The following ANK2 variants were observed in gnomAD, a reference collection of about 807,000 sequenced individuals.
The protein encoded by ANK2 is ankyrin 2.
In ANK2, 83 loss-of-function variants were observed where a neutral mutation model predicts 360.5. That is an observed-to-expected ratio of 0.23 (90% CI 0.19 to 0.28). ANK2 has a LOEUF of 0.28. Among genes scored for constraint, ANK2 ranks in the 10% least tolerant of loss-of-function variants. The pLI, the probability that ANK2 is intolerant of heterozygous loss-of-function variation, is 1.00. For synonymous variants in ANK2, 1,740 were observed against 1,759.5 expected, an observed-to-expected ratio of 0.99 and a Z score of 0.28; for missense variants, 4,201 against 4,795.7, an observed-to-expected ratio of 0.88 and a Z score of 3.66.
intron 1 of ANK2, among the ~76,000 whole-genome samples, chr4:112,864,003 A>C (rs894253151): frequency 1.3e-5 from 2 of 152,224 alleles, no homozygotes; most frequent in Non-Finnish European, 2.9e-5. Flanking sequence ...GGAATTTCTG[A>C]GAGGCTTACA....
chr4:113,233,104 C>CT (rs1563056547), intron 5 of ANK2, among the ~76,000 whole-genome samples: 1 of 29,296 alleles, frequency 3.4e-5, no homozygotes, highest in Non-Finnish European at 6.5e-5. Flanking sequence ...CTTGGCTTTT[C>CT]TGTTTTTTTT....
At chr4:113,047,136 C>T (rs2064761726), upstream of ANK2, among the ~76,000 whole-genome samples, 1 of 152,152 alleles carries the variant, frequency 6.6e-6, no homozygotes, top group African/African-American at 2.4e-5. Context: ...CCAAGAAGTT[C>T]CCATCTCGGG....
chr4:113,258,913 A>G (rs1486922326), intron 13 of ANK2, among the ~76,000 whole-genome samples: 1 of 152,134 alleles, frequency 6.6e-6, no homozygotes, highest in South Asian at 2.1e-4. Context: ...CTTCAATTAC[A>G]TGGATTTCCC....
chr4:112,776,955 A>G, the ANK2 span, among the ~76,000 whole-genome samples: 8 of 152,330 alleles, frequency 5.3e-5, no homozygotes, highest in African/African-American at 1.7e-4. Context: ...CCCTGAAACA[A>G]AAAAGTCAAA....
At chr4:112,948,359 A>G (rs2094697763) in intron 2 of ANK2, among the ~76,000 whole-genome samples, 1 of 152,220 alleles carries the variant, frequency 6.6e-6, no homozygotes, top group South Asian at 2.1e-4. Flanking sequence ...GAGAGTTGAT[A>G]TAACATTTTA....
chr4:113,304,931 T>C (rs1417226641), intron 23 of ANK2, among the ~76,000 whole-genome samples: 1 of 152,158 alleles, frequency 6.6e-6, no homozygotes, highest in Non-Finnish European at 1.5e-5. Flanking sequence ...ATCAGATAAA[T>C]TGAATAGTGA....
intron 14 of ANK2, among the ~76,000 whole-genome samples, chr4:113,268,441 T>C (rs965068258): frequency 9.2e-5 from 14 of 152,238 alleles, no homozygotes; most frequent in Non-Finnish European, 2.9e-5. Context: ...ACCTAGTTTA[T>C]TGAGAGTTTT....
At chr4:113,031,370 A>G (rs1330367521) in intron 2 of ANK2, 1 of 151,872 alleles carries the variant, frequency 6.6e-6, no homozygotes, top group African/African-American at 2.4e-5. Context: ...CCTTGGATCT[A>G]TTTATTTAAG....
chr4:112,947,376 C>T (rs949774842), intron 2 of ANK2, among the ~76,000 whole-genome samples: 9 of 152,074 alleles, frequency 5.9e-5, no homozygotes, highest in African/African-American at 2.2e-4. Context: ...ACCTATATTT[C>T]CATAAGCTTA....
intron 20 of ANK2, among the ~76,000 whole-genome samples, chr4:113,289,677 A>T (rs916491769): frequency 2.6e-5 from 4 of 152,244 alleles, no homozygotes; most frequent in Non-Finnish European, 4.4e-5. Flanking sequence ...TCATTTCTAT[A>T]CATAAGCATG....
chr4:113,352,851 T>G lies in ANK2; in HGVS notation c.4427-194T>G, dbSNP rs34053670. ...CCTGCTCATTTTTCCTTTTCAGTTG[T>G]TTTTTTTTTCGTTAGCCTTGCTTTG... On this transcript the variant is annotated intron_variant, in intron 37 of 45. Transcript: ENST00000357077. Among the ~76,000 whole-genome samples, 11,481 of 149,308 alleles carry G rather than the reference T, an allele frequency of 0.077. 613 individuals are homozygous for G. The highest frequency in any genetic ancestry group is 0.18 in the Middle Eastern group (51 of 290).
At chr4:113,006,723 C>G (rs992215842) in intron 2 of ANK2, among the ~76,000 whole-genome samples, 3 of 152,166 alleles carry the variant, frequency 2.0e-5, no homozygotes, top group African/African-American at 7.2e-5. Flanking sequence ...AATATCAATA[C>G]AATTTTAAAT....
At chr4:113,029,226 T>C (rs1050533391) in intron 2 of ANK2, among the ~76,000 whole-genome samples, 4 of 151,886 alleles carry the variant, frequency 2.6e-5, no homozygotes, top group Non-Finnish European at 5.9e-5. Context: ...GATAGGAGGA[T>C]TCGTTTTTTG....
At chr4:113,272,739 G>C (rs2058991445) in intron 14 of ANK2, among the ~76,000 whole-genome samples, 1 of 152,044 alleles carries the variant, frequency 6.6e-6, no homozygotes. Flanking sequence ...CTCAGCTATG[G>C]ATTAAAGAGT....
chr4:113,067,919 C>T (rs914239168), intron 1 of ANK2, among the ~76,000 whole-genome samples: 2 of 152,156 alleles, frequency 1.3e-5, no homozygotes, highest in Non-Finnish European at 2.9e-5. Context: ...TTAGGTGGAG[C>T]AAGCTTACTC....
chr4:113,085,462 T>C (rs2084212227), intron 1 of ANK2, among the ~76,000 whole-genome samples: 1 of 152,014 alleles, frequency 6.6e-6, no homozygotes, highest in Non-Finnish European at 1.5e-5. Context: ...TGTGCCACCA[T>C]GCCCAGCTAG....
intron 2 of ANK2, among the ~76,000 whole-genome samples, chr4:112,946,616 A>G (rs1561223639): frequency 6.6e-6 from 1 of 152,206 alleles, no homozygotes. Flanking sequence ...AAGTTTATAC[A>G]GGAAACTGGG....
At chr4:113,283,020 C>A in intron 18 of ANK2, 148 bp downstream of exon 18, 1 of 892,306 alleles carries the variant, frequency 1.1e-6, no homozygotes, top group African/African-American at 1.7e-5. Context: ...GGGAGTCAAG[C>A]CTTATGAGAG....
chr4:113,024,025 G>C (rs2058727388), intron 2 of ANK2, among the ~76,000 whole-genome samples: 1 of 152,132 alleles, frequency 6.6e-6, no homozygotes, highest in Admixed American at 6.5e-5. Flanking sequence ...TACAAAATTT[G>C]TTTTGTGTGA....
Sources: gnomAD v4.1 joint callset for allele counts (sites outside exome capture counted in the v4.1 genomes callset) on GRCh38, gnomAD v4.1.1 for gene constraint, MANE v1.5 for transcripts, NCBI Gene and HGNC (gene_info 2026-07-23, HGNC 2026-07-21) for gene names.